The following ADARB2 variants were observed in gnomAD, a reference collection of about 807,000 sequenced individuals.
The protein encoded by ADARB2 is adenosine deaminase RNA specific B2 (inactive).
Under a neutral mutation model 62.2 loss-of-function variants are expected in ADARB2, and 25 were observed. The ratio of observed to expected loss-of-function variants is 0.40; its 90% confidence interval spans 0.29 to 0.56. The LOEUF is 0.56. Among genes scored for constraint, ADARB2 ranks in the 20% least tolerant of loss-of-function variants. The pLI, the probability that ADARB2 is intolerant of heterozygous loss-of-function variation, is 0.43. For synonymous variants in ADARB2, 572 were observed against 500.8 expected (o/e 1.14, Z -1.90); for missense variants, 1,071 against 1,077.4 (o/e 0.99, Z 0.08).
chr10:1,408,453 A>C (rs1037269108), intron 1 of ADARB2, among the ~76,000 whole-genome samples: 7 of 152,208 alleles, frequency 4.6e-5, no homozygotes. Context: ...CTTTCAGTTC[A>C]CACTCTTAGA....
chr10:1,273,699 C>CA (rs1180657095), intron 3 of ADARB2, among the ~76,000 whole-genome samples: 1 of 152,196 alleles, frequency 6.6e-6, no homozygotes. Context: ...CAACAGGCCT[C>CA]AGCTATCACC....
At chr10:1,667,699 A>G (rs1297139776) in intron 1 of ADARB2, among the ~76,000 whole-genome samples, 1 of 152,096 alleles carries the variant, frequency 6.6e-6, no homozygotes, top group Non-Finnish European at 1.5e-5. Flanking sequence ...ACCCCTAGAT[A>G]AACAAGCAAG....
chr10:1,227,349 G>C (rs1286822991), intron 6 of ADARB2, among the ~76,000 whole-genome samples: 1 of 152,160 alleles, frequency 6.6e-6, no homozygotes, highest in Non-Finnish European at 1.5e-5. Flanking sequence ...GACCCCTTGC[G>C]CTTCCCGGGT....
intron 1 of ADARB2, among the ~76,000 whole-genome samples, chr10:1,529,652 G>T (rs953169919): frequency 5.3e-5 from 8 of 152,224 alleles, no homozygotes; most frequent in African/African-American, 1.9e-4. Context: ...AATAGCCCTT[G>T]TTGGAGCCCC....
chr10:1,276,908 T>C (rs1299567), intron 3 of ADARB2, among the ~76,000 whole-genome samples: 5 of 152,124 alleles, frequency 3.3e-5, no homozygotes, highest in African/African-American at 9.7e-5. Flanking sequence ...CAAACTGTCT[T>C]TCAGACCACA....
chr10:1,181,068 G>T lies in ADARB2; in HGVS notation c.*2125C>A, dbSNP rs548796211. ...ACAGTGAAATCTGCTTACAACACAGGCCCCCTCGCTGCAGAAACAGCGTGA... is the reference window on the plus strand; with the variant it reads ...ACAGTGAAATCTGCTTACAACACAGTCCCCCTCGCTGCAGAAACAGCGTGA... On this transcript the variant is annotated 3_prime_UTR_variant, in exon 10 of 10. Transcript: ENST00000381312. 6.6e-6 allele frequency: 1 copy of T among 152,240 alleles called. No homozygotes were observed. Among genetic ancestry groups the T allele is most frequent in the Admixed American group, 6.5e-5 (1 of 15,282 alleles). 9.4% of individuals were successfully genotyped at this position (152,240 alleles called of 1,614,324 possible).
intron 1 of ADARB2, among the ~76,000 whole-genome samples, chr10:1,467,853 C>T (rs1281440084): frequency 3.9e-5 from 6 of 152,154 alleles, no homozygotes; most frequent in African/African-American, 1.4e-4. Flanking sequence ...TCTGACATAG[C>T]GCTGTGTCCC....
At chr10:1,222,891 T>C (rs1344198364) in intron 6 of ADARB2, among the ~76,000 whole-genome samples, 3 of 150,964 alleles carry the variant, frequency 2.0e-5, no homozygotes, top group South Asian at 2.1e-4. Flanking sequence ...ATTGACTTGG[T>C]GATGTGGGCT....
chr10:1,612,998 A>C (rs1320622975), intron 1 of ADARB2, among the ~76,000 whole-genome samples: 2 of 152,222 alleles, frequency 1.3e-5, no homozygotes, highest in Non-Finnish European at 2.9e-5. Flanking sequence ...GAACAAGTTA[A>C]CACTTCCGTT....
chr10:1,572,022 AG>A (rs1251808878), intron 1 of ADARB2, among the ~76,000 whole-genome samples: 1 of 138,866 alleles, frequency 7.2e-6, no homozygotes, highest in Non-Finnish European at 1.5e-5. Flanking sequence ...TGGAAAGGTG[AG>A]TAGGCAAGTG....
intron 1 of ADARB2, among the ~76,000 whole-genome samples, chr10:1,629,760 A>T (rs907167279): frequency 3.3e-5 from 5 of 151,998 alleles, no homozygotes; most frequent in African/African-American, 1.2e-4. Flanking sequence ...ACCTGAGACA[A>T]AATTTGCCTG....
intron 1 of ADARB2, among the ~76,000 whole-genome samples, chr10:1,391,766 A>ATTT (rs60956446): frequency 0.045 from 4,120 of 91,548 alleles, 272 homozygotes; most frequent in African/African-American, 0.07. Flanking sequence ...TAAGAATTGG[A>ATTT]TTTTTTTTTT....
intron 1 of ADARB2, among the ~76,000 whole-genome samples, chr10:1,671,466 C>T (rs1834384169): frequency 6.6e-6 from 1 of 152,206 alleles, no homozygotes; most frequent in Non-Finnish European, 1.5e-5. Context: ...GCCATCACCA[C>T]CCGTCACACC....
chr10:1,650,665 C>T (rs1179045197), intron 1 of ADARB2, among the ~76,000 whole-genome samples: 1 of 152,188 alleles, frequency 6.6e-6, no homozygotes, highest in Non-Finnish European at 1.5e-5. Context: ...CACATGACTC[C>T]ACCGACCGTC....
chr10:1,295,372 G>A (rs1214957100), intron 3 of ADARB2, among the ~76,000 whole-genome samples: 4 of 152,156 alleles, frequency 2.6e-5, no homozygotes, highest in Non-Finnish European at 5.9e-5. Context: ...TACATCCCAG[G>A]CATGTGTTGA....
chr10:1,349,353 G>C (rs1832112319), intron 3 of ADARB2, among the ~76,000 whole-genome samples: 1 of 152,068 alleles, frequency 6.6e-6, no homozygotes, highest in African/African-American at 2.4e-5. Flanking sequence ...CCTGCAACCA[G>C]GTGAAATAAA....
Position 1,338,526 on chromosome 10 carries a change from G to A in ADARB2, c.1077+24502C>T, listed in dbSNP as rs1454371163. The stretch of plus-strand genomic sequence containing the variant: ...AAAACCAGGCCACCTAGTCAAGTGA[G>A]GTGTTGTTTAGAATGACGCAGGGTT... On this transcript the variant is annotated intron_variant, in intron 3 of 9. Transcript: ENST00000381312. Among the ~76,000 whole-genome samples the A allele has an allele frequency of 3.9e-5, 6 of 152,312 alleles. No homozygotes were observed. In the East Asian group the frequency reaches 5.8e-4, roughly 15 times the overall value.
chr10:1,307,935 T>C (rs1238846500), intron 3 of ADARB2, among the ~76,000 whole-genome samples: 1 of 79,850 alleles, frequency 1.3e-5, no homozygotes, highest in Non-Finnish European at 2.3e-5. Context: ...TGTCGTGGGG[T>C]GGGGGGAGGG....
intron 4 of ADARB2, among the ~76,000 whole-genome samples, chr10:1,243,909 T>G (rs1005593055): frequency 6.6e-6 from 1 of 152,164 alleles, no homozygotes; most frequent in Non-Finnish European, 1.5e-5. Flanking sequence ...CCCTCCCTGG[T>G]GGGACGGGAC....
Sources: gnomAD v4.1 joint callset for allele counts (sites outside exome capture counted in the v4.1 genomes callset) on GRCh38, gnomAD v4.1.1 for gene constraint, MANE v1.5 for transcripts, NCBI Gene and HGNC (gene_info 2026-07-23, HGNC 2026-07-21) for gene names.